Variants in EPHA6 observed in about 807,000 individuals in gnomAD.
EPHA6 encodes ephrin type-A receptor 6.
In EPHA6, 50 loss-of-function variants were observed where a neutral mutation model predicts 112.0. That is an observed-to-expected ratio of 0.45 (90% CI 0.36 to 0.56). The LOEUF (loss-of-function observed/expected upper bound fraction) is 0.56. Among genes scored for constraint, EPHA6 ranks in the 20% least tolerant of loss-of-function variants. The pLI is 0.00. For synonymous variants in EPHA6, 529 were observed against 490.7 expected (o/e 1.08, Z -1.03); for missense variants, 1,280 against 1,417.4 (o/e 0.90, Z 1.56).
At chr3:97,468,381 CT>C (rs1239875910) in intron 7 of EPHA6, among the ~76,000 whole-genome samples, 1 of 151,256 alleles carries the variant, frequency 6.6e-6, no homozygotes, top group Non-Finnish European at 1.5e-5. Context: ...ACTATATTTA[CT>C]TTTTTTCAAA....
At position 97,094,389 on chromosome 3, in the gene EPHA6, T is replaced by G. The variant is rs138356584; in HGVS notation, c.1114+106396T>G. On this transcript the variant is annotated intron_variant, in intron 3 of 17. Transcript: ENST00000389672. ...GATATCAAAAGTAAACAGTAACTTT[T>G]AATCACTTTCTATTCTCATTATATC... is the stretch of plus-strand genomic sequence containing the variant. Among the ~76,000 whole-genome samples, 20 of 152,268 alleles carry G rather than the reference T, an allele frequency of 1.3e-4. No homozygotes were observed. The East Asian group carries it at 3.9e-3, about 29-fold the overall frequency.
intron 11 of EPHA6, among the ~76,000 whole-genome samples, chr3:97,541,594 A>G (rs1007630052): frequency 2.6e-5 from 4 of 152,048 alleles, no homozygotes; most frequent in Admixed American, 2.0e-4. Flanking sequence ...ATCACGTCTC[A>G]TTAGTATTTT....
intron 5 of EPHA6, among the ~76,000 whole-genome samples, chr3:97,250,380 C>G (rs1000703487): frequency 9.1e-4 from 139 of 152,244 alleles, no homozygotes; most frequent in African/African-American, 3.1e-3. Flanking sequence ...TTAGAGTCGT[C>G]AGCTGTGTTC....
At chr3:97,469,295 A>C (rs1477488761) in intron 7 of EPHA6, among the ~76,000 whole-genome samples, 1 of 151,102 alleles carries the variant, frequency 6.6e-6, no homozygotes, top group African/African-American at 2.4e-5. Flanking sequence ...ATTATTTTCA[A>C]CTCTCTCTTT....
chr3:97,629,948 G>T (rs1478192292), intron 13 of EPHA6, among the ~76,000 whole-genome samples: 1 of 151,954 alleles, frequency 6.6e-6, no homozygotes, highest in Non-Finnish European at 1.5e-5. Context: ...ACAGTAACTA[G>T]TATATATTAC....
intron 11 of EPHA6, among the ~76,000 whole-genome samples, chr3:97,550,693 C>T (rs1310352042): frequency 6.6e-6 from 1 of 152,110 alleles, no homozygotes; most frequent in Non-Finnish European, 1.5e-5. Flanking sequence ...AGGAAGAATA[C>T]ATTCAAGAAA....
At chr3:97,715,156 G>A (rs1052030093) in intron 14 of EPHA6, among the ~76,000 whole-genome samples, 2 of 152,148 alleles carry the variant, frequency 1.3e-5, no homozygotes, top group African/African-American at 4.8e-5. Context: ...CAGGCTGTCT[G>A]CTCACACGGT....
intron 3 of EPHA6, among the ~76,000 whole-genome samples, chr3:97,009,445 A>C (rs907267713): frequency 6.6e-6 from 1 of 152,190 alleles, no homozygotes; most frequent in Non-Finnish European, 1.5e-5. Context: ...GGACCAAACC[A>C]TCCAGCCTCC....
At chr3:97,489,664 C>T (rs531182826) in intron 10 of EPHA6, among the ~76,000 whole-genome samples, 52 of 142,318 alleles carry the variant, frequency 3.7e-4, no homozygotes, top group South Asian at 1.3e-3. Context: ...CCAGCCTGGG[C>T]GAAAAAGCGA....
At chr3:96,898,621 A>G (rs1041834772) in intron 2 of EPHA6, among the ~76,000 whole-genome samples, 7 of 152,214 alleles carry the variant, frequency 4.6e-5, no homozygotes, top group Non-Finnish European at 8.8e-5. Flanking sequence ...GTAACCCATT[A>G]TGACTAGTTA....
At chr3:97,003,473 T>C (rs916323825) in intron 3 of EPHA6, among the ~76,000 whole-genome samples, 2 of 152,078 alleles carry the variant, frequency 1.3e-5, no homozygotes, top group Non-Finnish European at 2.9e-5. Context: ...CGTACCTTAG[T>C]GGAGAGATCT....
At chr3:97,040,738 A>G (rs891934553) in intron 3 of EPHA6, among the ~76,000 whole-genome samples, 6 of 152,124 alleles carry the variant, frequency 3.9e-5, no homozygotes, top group Non-Finnish European at 8.8e-5. Flanking sequence ...TTATTTCATA[A>G]TCTGCAACAG....
At chr3:97,158,476 A>T (rs113001533) in intron 3 of EPHA6, among the ~76,000 whole-genome samples, 1,990 of 152,250 alleles carry the variant, frequency 0.013, 29 homozygotes, top group African/African-American at 0.045. Context: ...AAATGATGAG[A>T]CAAGTCTTAA....
At chr3:97,625,888 C>T (rs779592184) in intron 13 of EPHA6, among the ~76,000 whole-genome samples, 8 of 151,428 alleles carry the variant, frequency 5.3e-5, no homozygotes, top group East Asian at 1.9e-4. Context: ...GAGTAGAAGC[C>T]GCCACATCTC....
intron 2 of EPHA6, among the ~76,000 whole-genome samples, chr3:96,905,253 G>A (rs1487140747): frequency 6.6e-6 from 1 of 151,958 alleles, no homozygotes; most frequent in East Asian, 1.9e-4. Flanking sequence ...GTTAAAAACC[G>A]AGTTCTTAAG....
intron 3 of EPHA6, among the ~76,000 whole-genome samples, chr3:97,209,648 A>G (rs994260330): frequency 2.6e-5 from 4 of 152,220 alleles, no homozygotes; most frequent in African/African-American, 4.8e-5. Flanking sequence ...TAATTCAATA[A>G]TTTTTACATT....
intron 14 of EPHA6, among the ~76,000 whole-genome samples, chr3:97,674,647 T>A (rs563401612): frequency 1.3e-5 from 2 of 152,334 alleles, no homozygotes; most frequent in East Asian, 3.9e-4. Flanking sequence ...CAGTGGCTTC[T>A]GCTTATTGCA....
chr3:97,057,796 G>A (rs2108109330), intron 3 of EPHA6, among the ~76,000 whole-genome samples: 1 of 152,294 alleles, frequency 6.6e-6, no homozygotes, highest in South Asian at 2.1e-4. Context: ...AACTTCCTGT[G>A]TTATTTCTAA....
At chr3:97,438,759 A>C (rs1358271572) in intron 6 of EPHA6, among the ~76,000 whole-genome samples, 1 of 152,194 alleles carries the variant, frequency 6.6e-6, no homozygotes, top group Non-Finnish European at 1.5e-5. Flanking sequence ...TCTTAAAAGA[A>C]AGAAACAATG....
Sources: allele counts gnomAD v4.1 joint callset (sites outside exome capture counted in the v4.1 genomes callset), GRCh38; gene constraint gnomAD v4.1.1; transcripts MANE v1.5; gene names NCBI Gene and HGNC (gene_info 2026-07-23, HGNC 2026-07-21).